Variants in GALR1 observed in about 807,000 individuals in gnomAD.
GALR1 encodes the protein galanin receptor 1.
Under a neutral mutation model 17.9 loss-of-function variants are expected in GALR1, and 11 were observed. That is an observed-to-expected ratio of 0.62 (90% confidence interval 0.39 to 1.02). The LOEUF (loss-of-function observed/expected upper bound fraction) is 1.02, where lower values mean the gene tolerates loss of function less well. GALR1 is among the 50% of genes least tolerant of loss of function. The pLI is 0.01. For synonymous variants in GALR1, 206 were observed against 205.7 expected (o/e 1.00, Z -0.01); for missense variants, 441 against 456.9 (o/e 0.97, Z 0.32).
At chr18:77,260,772 G>T (rs1391952166) in intron 2 of GALR1, among the ~76,000 whole-genome samples, 1 of 152,226 alleles carries the variant, frequency 6.6e-6, no homozygotes, top group African/African-American at 2.4e-5. Context: ...AACTCTGCTA[G>T]ACATAAAGAA....
rs1258901029 is a variant in GALR1, at chr18:77,256,175, T to G, written c.684T>G (p.His228Gln). The G allele has an allele frequency of 6.2e-7, 1 of 1,604,288 alleles. No individual in the cohort carries two copies. The highest frequency in any genetic ancestry group is 8.5e-7 in the Non-Finnish European group (1 of 1,171,182). ...TCTTTCAGGTCCTTAATCACTTGCA[T>G]AAAAAGTTGAAGAACATGTCAAAGA... ...FCYAKVLNHLHKKLKNMSKKS... is the reference protein window; with the variant it reads ...FCYAKVLNHLQKKLKNMSKKS... Residue 228 changes from histidine (H) to glutamine (Q), a missense_variant, in exon 2 of 3, where the codon CAT becomes CAG. Transcript: ENST00000299727.
At chr18:77,257,523 T>C (rs1912618088) in intron 2 of GALR1, among the ~76,000 whole-genome samples, 1 of 152,216 alleles carries the variant, frequency 6.6e-6, no homozygotes, top group Non-Finnish European at 1.5e-5. Context: ...AAGTTGGTGC[T>C]TTCCTCCTCT....
chr18:77,260,224 G>A (rs1157701737), intron 2 of GALR1, among the ~76,000 whole-genome samples: 2 of 152,170 alleles, frequency 1.3e-5, no homozygotes, highest in Middle Eastern at 3.2e-3. Context: ...GGTGAGGGCC[G>A]TTTTCTGGTT....
Position 77,269,007 on chromosome 18 carries a change from A to G in GALR1, c.*105A>G. The stretch of plus-strand genomic sequence containing the variant: ...GATGCTGCAACTTGTTATCTTAACA[A>G]GAATTCAAGTCGTTTTAATTAAATC... On this transcript the variant is annotated 3_prime_UTR_variant, in exon 3 of 3. Coordinates refer to ENST00000299727, the MANE Select transcript of GALR1 (RefSeq NM_001480.4). The G allele has an allele frequency of 1.1e-6, 1 of 869,932 alleles. No individual in the cohort carries two copies. Among genetic ancestry groups the G allele is most frequent in the Non-Finnish European group, 1.8e-6 (1 of 552,676 alleles). The allele number at this position is 869,932 out of a possible 1,614,324, so 53.9% of individuals were successfully genotyped here. A position where few individuals can be genotyped will look rare whatever the true frequency, so the allele number is the denominator to read the frequency against.
rs895222994 is a variant in GALR1, at chr18:77,275,812, G to A, written c.*6910G>A. Reference sequence around the variant, plus strand: ...AGAGAGAATTTCCTGGTATGTCAATGTAGCTTCAGAAATAGGTCTCAGTGT... The same window carrying A: ...AGAGAGAATTTCCTGGTATGTCAATATAGCTTCAGAAATAGGTCTCAGTGT... On this transcript the variant is annotated 3_prime_UTR_variant, in exon 3 of 3. Coordinates refer to ENST00000299727, the MANE Select transcript of GALR1 (RefSeq NM_001480.4). The A allele has an allele frequency of 6.6e-6, 1 of 152,184 alleles. No homozygotes were observed. The highest frequency in any genetic ancestry group is 1.9e-4 in the East Asian group (1 of 5,198). The allele number at this position is 152,184 out of a possible 1,614,324, so 9.4% of individuals were successfully genotyped here. A position where few individuals can be genotyped will look rare whatever the true frequency, so the allele number is the denominator to read the frequency against.
intron 2 of GALR1, among the ~76,000 whole-genome samples, chr18:77,266,176 G>T (rs1221462815): frequency 6.6e-6 from 1 of 152,108 alleles, no homozygotes; most frequent in African/African-American, 2.4e-5. Flanking sequence ...CAGATCTCTA[G>T]GGCAAGGGCA....
Position 77,270,524 on chromosome 18 carries a change from A to G in GALR1, c.*1622A>G, listed in dbSNP as rs2144970114. The G allele has an allele frequency of 8.4e-6, 1 of 118,670 alleles. No individual in the cohort carries two copies. Among genetic ancestry groups the G allele is most frequent in the Admixed American group, 9.4e-5 (1 of 10,636 alleles). The allele number at this position is 118,670 out of a possible 1,614,324, so 7.4% of individuals were successfully genotyped here. A position where few individuals can be genotyped will look rare whatever the true frequency, so the allele number is the denominator to read the frequency against. On this transcript the variant is annotated 3_prime_UTR_variant, in exon 3 of 3. Coordinates refer to ENST00000299727, the MANE Select transcript of GALR1 (RefSeq NM_001480.4). ...GTAAGACTCTGTCTAAAATATATAT[A>G]TATATGTGTGTGTGTGTGTGTGTGT...
Position 77,268,942 on chromosome 18 carries a change from G to A in GALR1, c.*40G>A, listed in dbSNP as rs1913005635. On this transcript the variant is annotated 3_prime_UTR_variant, in exon 3 of 3. Transcript: ENST00000299727. ...TCCTTATGGTTGAGTTTCCATATAA[G>A]TGGACCAGACACAGAAACAAACAGA... is the stretch of plus-strand genomic sequence containing the variant. 1 of 1,451,246 alleles carries A rather than the reference G, an allele frequency of 6.9e-7. No homozygotes were observed. The highest frequency in any genetic ancestry group is 9.6e-7 in the Non-Finnish European group (1 of 1,044,708). The allele number at this position is 1,451,246 out of a possible 1,614,324, so 89.9% of individuals were successfully genotyped here.
rs1913138604 is a variant in GALR1 at position 77,275,501 on chromosome 18, G to A, written c.*6599G>A. ...GGGACTTGGCAGCACACAACTCTGAGTGAAAGACACGATCAGCGTGATAGA... is the reference window on the plus strand; with the variant it reads ...GGGACTTGGCAGCACACAACTCTGAATGAAAGACACGATCAGCGTGATAGA... On this transcript the variant is annotated 3_prime_UTR_variant, in exon 3 of 3. Transcript: ENST00000299727. 6.6e-6 allele frequency: 1 copy of A among 152,252 alleles called. No homozygotes were observed. Among genetic ancestry groups the A allele is most frequent in the South Asian group, 2.1e-4 (1 of 4,834 alleles). 9.4% of individuals were successfully genotyped at this position (152,252 alleles called of 1,614,324 possible).
In GALR1 at chr18:77,250,228, C is replaced by T. The variant is rs1006112654; in HGVS notation, c.-321C>T. Among the ~76,000 whole-genome samples the T allele has an allele frequency of 1.3e-5, 2 of 152,128 alleles. No homozygotes were observed. The highest frequency in any genetic ancestry group is 2.9e-5 in the Non-Finnish European group (2 of 67,998). On this transcript the variant is annotated 5_prime_UTR_variant, in exon 1 of 3. Transcript: ENST00000299727. ...CGGCTGCAGCCGGCGGATCCCTCTTCCCAGGCTCCGTGGTCGCGCAGCGGG... is the reference window on the plus strand; with the variant it reads ...CGGCTGCAGCCGGCGGATCCCTCTTTCCAGGCTCCGTGGTCGCGCAGCGGG...
intron 2 of GALR1, among the ~76,000 whole-genome samples, chr18:77,260,296 C>T (rs1912802213): frequency 6.6e-6 from 1 of 152,130 alleles, no homozygotes; most frequent in South Asian, 2.1e-4. Flanking sequence ...GCTCTCTGCG[C>T]CCTCTTTCAT....
At position 77,274,339 on chromosome 18, in the gene GALR1, G is replaced by C. The variant is rs1329368556; in HGVS notation, c.*5437G>C. 6.6e-6 allele frequency: 1 copy of C among 152,336 alleles called. No individual in the cohort carries two copies. The highest frequency in any genetic ancestry group is 2.4e-5 in the African/African-American group (1 of 41,434). 9.4% of individuals were successfully genotyped at this position (152,336 alleles called of 1,614,324 possible). A position where few individuals can be genotyped will look rare whatever the true frequency, so the allele number is the denominator to read the frequency against. On this transcript the variant is annotated 3_prime_UTR_variant, in exon 3 of 3. Transcript: ENST00000299727. ...AAGTAGGCAGACATCCAAAAGCCAA[G>C]TGAAGGGCAGATAGATCCCCAGGTG... is the stretch of plus-strand genomic sequence containing the variant.
At position 77,268,933 on chromosome 18, in the gene GALR1, TC is replaced by T. The variant is rs1913005239; in HGVS notation, c.*33del. 6.6e-7 allele frequency: 1 copy of T among 1,507,672 alleles called. No homozygotes were observed. Among genetic ancestry groups the T allele is most frequent in the African/African-American group, 1.4e-5 (1 of 72,814 alleles). The allele number at this position is 1,507,672 out of a possible 1,614,324, so 93.4% of individuals were successfully genotyped here. On this transcript the variant is annotated 3_prime_UTR_variant, in exon 3 of 3. Transcript: ENST00000299727. ...GATAGAGTATCCTTATGGTTGAGTT[TC>T]CATATAAGTGGACCAGACACAGAAA... is the stretch of plus-strand genomic sequence containing the variant.
In GALR1 at chr18:77,251,231, G is replaced by C; in HGVS notation, c.666+17G>C. 1.3e-6 allele frequency: 2 copies of C among 1,581,106 alleles called. No homozygotes were observed. The highest frequency in any genetic ancestry group is 1.7e-6 in the Non-Finnish European group (2 of 1,156,926). On this transcript the variant is annotated intron_variant, in intron 1 of 2. Transcript: ENST00000299727. ...TATGCCAAGGTGCACGCCGGTCGCG[G>C]GGCCGAGACGCGCGAGGGAGGGCGG...
chr18:77,265,779 C>T (rs189521864), intron 2 of GALR1, among the ~76,000 whole-genome samples: 20 of 152,304 alleles, frequency 1.3e-4, no homozygotes, highest in Non-Finnish European at 2.2e-4. Context: ...CCTGCTAAAG[C>T]GATGGCTTGA....
rs1912359263 is a variant in GALR1 at position 77,250,138 on chromosome 18, G to A, written c.-411G>A. Among the ~76,000 whole-genome samples, 1 of 152,180 alleles carries A rather than the reference G, an allele frequency of 6.6e-6. No homozygotes were observed. Among genetic ancestry groups the A allele is most frequent in the African/African-American group, 2.4e-5 (1 of 41,464 alleles). ...GGTGCAGCACGCAGCCCCTCCGGGA[G>A]CCAGGGAAAACCGCCGGCGAAGATC... On this transcript the variant is annotated 5_prime_UTR_variant, in exon 1 of 3. Coordinates refer to ENST00000299727, the MANE Select transcript of GALR1 (RefSeq NM_001480.4).
chr18:77,258,776 ATGGTGG>A (rs374737158), intron 2 of GALR1, among the ~76,000 whole-genome samples: 5 of 92,810 alleles, frequency 5.4e-5, no homozygotes, highest in African/African-American at 1.8e-4. Context: ...TGTGATAGTG[ATGGTGG>A]TGGTGGTGGT....
At chr18:77,267,595 G>A (rs1315796664) in intron 2 of GALR1, among the ~76,000 whole-genome samples, 1 of 152,230 alleles carries the variant, frequency 6.6e-6, no homozygotes, top group Non-Finnish European at 1.5e-5. Context: ...AGAACCATCT[G>A]TTTGAGGAGA....
chr18:77,254,210 C>T (rs954179977), intron 1 of GALR1, among the ~76,000 whole-genome samples: 9 of 152,204 alleles, frequency 5.9e-5, no homozygotes, highest in Non-Finnish European at 1.0e-4. Flanking sequence ...TATTATCACT[C>T]TCTTCTTAAA....
Sources: allele counts gnomAD v4.1 joint callset (sites outside exome capture counted in the v4.1 genomes callset), GRCh38; gene constraint gnomAD v4.1.1; transcripts MANE v1.5; gene names NCBI Gene and HGNC (gene_info 2026-07-23, HGNC 2026-07-21).